SORCS3: variants seen among roughly 807,000 people sequenced by gnomAD.
SORCS3 encodes the protein VPS10 domain-containing receptor SorCS3.
SORCS3 carries 57 observed loss-of-function variants against 146.3 expected under a neutral mutation model. The ratio of observed to expected loss-of-function variants is 0.39; its 90% CI spans 0.31 to 0.49. The LOEUF is 0.49. Among genes scored for constraint, SORCS3 ranks in the 20% least tolerant of loss-of-function variants. The pLI is 0.92. For missense variants in SORCS3, 1,341 were observed against 1,575.5 expected, an observed-to-expected ratio of 0.85 and a Z score of 2.52; for synonymous variants, 653 against 618.5, an observed-to-expected ratio of 1.06 and a Z score of -0.83.
intron 16 of SORCS3, among the ~76,000 whole-genome samples, chr10:105,204,071 G>T (rs775130143): frequency 6.6e-6 from 1 of 152,088 alleles, no homozygotes; most frequent in African/African-American, 2.4e-5. Context: ...AGTAAAGCAC[G>T]GTGGGAGAGG....
intron 1 of SORCS3, among the ~76,000 whole-genome samples, chr10:104,684,917 C>G (rs915443287): frequency 1.3e-5 from 2 of 148,206 alleles, no homozygotes; most frequent in Admixed American, 6.8e-5. Context: ...TCCCGGGTTT[C>G]AGCAATTCTC....
At chr10:104,811,548 A>G (rs2017740769) in intron 1 of SORCS3, among the ~76,000 whole-genome samples, 1 of 152,270 alleles carries the variant, frequency 6.6e-6, no homozygotes, top group Non-Finnish European at 1.5e-5. Flanking sequence ...TGGCAGAGCC[A>G]CAAATTTTGC....
intron 20 of SORCS3, among the ~76,000 whole-genome samples, chr10:105,241,908 A>G (rs973458795): frequency 2.0e-5 from 3 of 152,164 alleles, no homozygotes; most frequent in African/African-American, 7.2e-5. Context: ...AAGGGTAGGT[A>G]TATGTAAAGT....
chr10:104,981,806 T>A (rs952665812), intron 4 of SORCS3, among the ~76,000 whole-genome samples: 1 of 152,148 alleles, frequency 6.6e-6, no homozygotes, highest in Non-Finnish European at 1.5e-5. Flanking sequence ...AATAGCTATT[T>A]TTTTTCTGCG....
At chr10:104,745,208 G>T (rs1298596143) in intron 1 of SORCS3, among the ~76,000 whole-genome samples, 1 of 152,094 alleles carries the variant, frequency 6.6e-6, no homozygotes, top group Admixed American at 6.6e-5. Flanking sequence ...AGTTAATGAG[G>T]CTATCATCCT....
intron 17 of SORCS3, among the ~76,000 whole-genome samples, chr10:105,211,693 G>A (rs964507120): frequency 1.6e-4 from 24 of 152,190 alleles, no homozygotes; most frequent in African/African-American, 4.8e-4. Context: ...GAATAAAAAT[G>A]TCAAGGATCC....
At chr10:104,790,015 C>CT (rs1266407993) in intron 1 of SORCS3, among the ~76,000 whole-genome samples, 1 of 152,190 alleles carries the variant, frequency 6.6e-6, no homozygotes, top group Non-Finnish European at 1.5e-5. Context: ...TTCTCAGTAA[C>CT]TAACCTATAC....
chr10:104,936,918 T>G (rs1252529681), intron 3 of SORCS3, among the ~76,000 whole-genome samples: 2 of 152,134 alleles, frequency 1.3e-5, no homozygotes, highest in African/African-American at 4.8e-5. Flanking sequence ...TAATCTACCA[T>G]GAATGTTTAG....
intron 14 of SORCS3, among the ~76,000 whole-genome samples, chr10:105,181,999 T>G (rs550311833): frequency 6.6e-6 from 1 of 152,234 alleles, no homozygotes; most frequent in East Asian, 1.9e-4. Context: ...TCTTTCCTGA[T>G]AAGAAATGTT....
chr10:105,219,014 CA>C (rs201110688), intron 19 of SORCS3, among the ~76,000 whole-genome samples: 2 of 149,672 alleles, frequency 1.3e-5, no homozygotes, highest in South Asian at 2.1e-4. Flanking sequence ...GACCCCGTCT[CA>C]AAAAAAAATA....
intron 2 of SORCS3, among the ~76,000 whole-genome samples, chr10:104,878,732 T>C (rs1175216324): frequency 6.6e-6 from 1 of 152,204 alleles, no homozygotes; most frequent in Non-Finnish European, 1.5e-5. Context: ...TGTAAGTACA[T>C]AAAATTATGC....
intron 3 of SORCS3, among the ~76,000 whole-genome samples, chr10:104,940,227 TATATA>T (rs2019300856): frequency 5.6e-5 from 1 of 17,748 alleles, no homozygotes; most frequent in Non-Finnish European, 9.7e-5. Context: ...TATATATATA[TATATA>T]TATATATTTT....
At chr10:105,076,334 T>G (rs2055589104) in intron 5 of SORCS3, among the ~76,000 whole-genome samples, 1 of 152,218 alleles carries the variant, frequency 6.6e-6, no homozygotes, top group Non-Finnish European at 1.5e-5. Flanking sequence ...GCCCAGTGTG[T>G]AAGTGAAATC....
intron 6 of SORCS3, among the ~76,000 whole-genome samples, chr10:105,100,869 A>C (rs2055779636): frequency 1.3e-5 from 2 of 152,350 alleles, no homozygotes; most frequent in Admixed American, 1.3e-4. Context: ...AACAATTTTC[A>C]TGCATAATCT....
rs745780783 is a variant in SORCS3 at position 104,652,857 on chromosome 10, T to C, written c.627+10903T>C. The stretch of plus-strand genomic sequence containing the variant: ...TAGTGAGGCAGCATGTGCAAAAAAA[T>C]CTATGTGATGCAGACTGGACACCCA... On this transcript the variant is annotated intron_variant, in intron 1 of 26. Transcript: ENST00000369701. Among the ~76,000 whole-genome samples, 3 of 152,132 alleles carry C rather than the reference T, an allele frequency of 2.0e-5. No individual in the cohort carries two copies. In the East Asian group the frequency reaches 5.8e-4, roughly 29 times the overall value.
At chr10:105,047,571 G>A (rs2055381854) in intron 5 of SORCS3, among the ~76,000 whole-genome samples, 2 of 152,052 alleles carry the variant, frequency 1.3e-5, no homozygotes, top group Non-Finnish European at 2.9e-5. Flanking sequence ...ACTGGCTTGA[G>A]CATTAGGAAA....
chr10:104,651,910 A>C (rs2015566002), intron 1 of SORCS3, among the ~76,000 whole-genome samples: 1 of 152,176 alleles, frequency 6.6e-6, no homozygotes, highest in African/African-American at 2.4e-5. Context: ...GAGGGAGCAG[A>C]GAGCAGCCAC....
At chr10:104,760,148 G>A (rs1215186049) in intron 1 of SORCS3, among the ~76,000 whole-genome samples, 1 of 152,106 alleles carries the variant, frequency 6.6e-6, no homozygotes, top group Non-Finnish European at 1.5e-5. Flanking sequence ...TGGAGTGCTT[G>A]GAGAATGGCA....
chr10:104,800,093 G>A (rs1042074350), intron 1 of SORCS3, among the ~76,000 whole-genome samples: 32 of 152,132 alleles, frequency 2.1e-4, no homozygotes, highest in African/African-American at 7.2e-4. Flanking sequence ...CAAGATTCCT[G>A]TCAGTAGGTG....
Sources: gnomAD v4.1 joint callset for allele counts (sites outside exome capture counted in the v4.1 genomes callset) on GRCh38, gnomAD v4.1.1 for gene constraint, MANE v1.5 for transcripts, NCBI Gene and HGNC (gene_info 2026-07-23, HGNC 2026-07-21) for gene names.